Variants in ATRNL1 observed in about 807,000 individuals in gnomAD.
ATRNL1 encodes attractin-like protein 1.
Under a neutral mutation model 182.7 loss-of-function variants are expected in ATRNL1, and 95 were observed. The ratio of observed to expected loss-of-function variants is 0.52; its 90% CI spans 0.44 to 0.62. The LOEUF is 0.62. Among genes scored for constraint, ATRNL1 ranks in the 20% least tolerant of loss-of-function variants. The pLI, the probability that ATRNL1 is intolerant of heterozygous loss-of-function variation, is 0.00. For synonymous variants in ATRNL1, 576 were observed against 568.3 expected (o/e 1.01, Z -0.19); for missense variants, 1,471 against 1,679.5 (o/e 0.88, Z 2.17).
chr10:115,308,623 A>G (rs1554926932), intron 17 of ATRNL1, among the ~76,000 whole-genome samples: 4 of 152,138 alleles, frequency 2.6e-5, no homozygotes, highest in African/African-American at 9.7e-5. Context: ...GAAAAGCCAA[A>G]AATAAATAAA....
At chr10:115,761,559 T>G (rs1214438016) in intron 27 of ATRNL1, among the ~76,000 whole-genome samples, 4 of 152,166 alleles carry the variant, frequency 2.6e-5, no homozygotes, top group African/African-American at 9.7e-5. Flanking sequence ...TTTATTACTG[T>G]GGGCTCACCT....
chr10:115,617,614 T>C (rs1351320974), intron 26 of ATRNL1, among the ~76,000 whole-genome samples: 1 of 152,172 alleles, frequency 6.6e-6, no homozygotes, highest in African/African-American at 2.4e-5. Flanking sequence ...TGCCTCAGCC[T>C]CCCAAGGTGC....
chr10:115,823,889 G>T (rs576189127), intron 27 of ATRNL1, among the ~76,000 whole-genome samples: 2 of 152,130 alleles, frequency 1.3e-5, no homozygotes, highest in Non-Finnish European at 2.9e-5. Context: ...TCCCCATCAA[G>T]TTGCCATTGA....
chr10:115,188,392 C>T (rs1213019721), intron 8 of ATRNL1, among the ~76,000 whole-genome samples: 3 of 152,064 alleles, frequency 2.0e-5, no homozygotes, highest in Non-Finnish European at 2.9e-5. Context: ...TTTAGGGAAT[C>T]TACAAATCTC....
chr10:115,365,188 C>T (rs557496607), intron 19 of ATRNL1, among the ~76,000 whole-genome samples: 2 of 152,330 alleles, frequency 1.3e-5, no homozygotes, highest in East Asian at 3.9e-4. Context: ...AGTATTGCCA[C>T]AATTTCAGCT....
At chr10:115,342,810 T>C (rs1855811379) in intron 19 of ATRNL1, among the ~76,000 whole-genome samples, 1 of 152,190 alleles carries the variant, frequency 6.6e-6, no homozygotes, top group Non-Finnish European at 1.5e-5. Context: ...CTTTTGTTTG[T>C]CTGGGAAAGT....
At chr10:115,153,272 G>C (rs538925622) in intron 5 of ATRNL1, among the ~76,000 whole-genome samples, 1 of 152,104 alleles carries the variant, frequency 6.6e-6, no homozygotes, top group Non-Finnish European at 1.5e-5. Context: ...CTATTGGTTG[G>C]AATAGTTTCA....
At chr10:115,598,193 C>G (rs1223330293) in intron 26 of ATRNL1, among the ~76,000 whole-genome samples, 2 of 150,884 alleles carry the variant, frequency 1.3e-5, no homozygotes, top group African/African-American at 4.9e-5. Flanking sequence ...CAGCAATATT[C>G]CTTTATTCAG....
At chr10:115,403,084 T>C (rs1844647296) in intron 20 of ATRNL1, among the ~76,000 whole-genome samples, 1 of 152,120 alleles carries the variant, frequency 6.6e-6, no homozygotes. Context: ...CAAGTCTCTT[T>C]TGTTTGTTTG....
At chr10:115,887,921 A>G (rs1555110185) in intron 28 of ATRNL1, among the ~76,000 whole-genome samples, 1 of 151,914 alleles carries the variant, frequency 6.6e-6, no homozygotes, top group African/African-American at 2.4e-5. Context: ...CCCTGCTTCC[A>G]TTCTTATCCC....
chr10:115,594,833 G>C (rs1592917954), intron 26 of ATRNL1, among the ~76,000 whole-genome samples: 1 of 152,132 alleles, frequency 6.6e-6, no homozygotes, highest in East Asian at 1.9e-4. Context: ...AAATTCTCTA[G>C]GTCTCTAAAG....
intron 28 of ATRNL1, chr10:115,909,567 C>G (rs1238473008): frequency 6.9e-6 from 1 of 143,950 alleles, no homozygotes; most frequent in Admixed American, 7.1e-5. Context: ...GAAGACAGGA[C>G]ATGACTTCAG....
At chr10:115,489,124 G>A (rs1332150876) in intron 24 of ATRNL1, among the ~76,000 whole-genome samples, 1 of 152,120 alleles carries the variant, frequency 6.6e-6, no homozygotes, top group Non-Finnish European at 1.5e-5. Context: ...TGCATTTGCT[G>A]AAGAGTATTT....
chr10:115,270,517 G>A (rs1851814954), intron 13 of ATRNL1, among the ~76,000 whole-genome samples: 2 of 150,842 alleles, frequency 1.3e-5, no homozygotes, highest in South Asian at 4.2e-4. Flanking sequence ...AGGATGAAAA[G>A]TCCCAGGATC....
At chr10:115,827,087 G>A (rs1474102536) in intron 27 of ATRNL1, among the ~76,000 whole-genome samples, 1 of 152,174 alleles carries the variant, frequency 6.6e-6, no homozygotes, top group Non-Finnish European at 1.5e-5. Context: ...AAAACTGGAT[G>A]GGAGTGAACA....
chr10:115,788,671 T>G (rs1949453150), intron 27 of ATRNL1, among the ~76,000 whole-genome samples: 2 of 152,322 alleles, frequency 1.3e-5, no homozygotes, highest in Non-Finnish European at 2.9e-5. Context: ...CCCACCAAAA[T>G]GGTACCAGTG....
intron 27 of ATRNL1, among the ~76,000 whole-genome samples, chr10:115,844,246 C>T (rs1407144855): frequency 6.6e-6 from 1 of 152,056 alleles, no homozygotes; most frequent in Non-Finnish European, 1.5e-5. Flanking sequence ...CTGTTAAGCC[C>T]TCACCTGCTG....
intron 26 of ATRNL1, among the ~76,000 whole-genome samples, chr10:115,695,214 A>T (rs1555049417): frequency 1.3e-5 from 2 of 152,128 alleles, no homozygotes. Flanking sequence ...TACCAAATTC[A>T]ATTTTGGCTA....
In ATRNL1 at chr10:115,426,735, G is replaced by A. The variant is rs192808008; in HGVS notation, c.3322+433G>A. ...TAGGTATATATTTAACTTTTGTTTT[G>A]TTTTCTGAGATGGAGTCTTGCTCTT... On this transcript the variant is annotated intron_variant, in intron 21 of 28. Transcript: ENST00000355044. Among the ~76,000 whole-genome samples the A allele has an allele frequency of 7.6e-3, 1,149 of 152,170 alleles. 9 individuals carry two copies. Among genetic ancestry groups the A allele is most frequent in the Non-Finnish European group, 0.011 (762 of 68,000 alleles).
Sources: gnomAD v4.1 joint callset for allele counts (sites outside exome capture counted in the v4.1 genomes callset) on GRCh38, gnomAD v4.1.1 for gene constraint, MANE v1.5 for transcripts, NCBI Gene and HGNC (gene_info 2026-07-23, HGNC 2026-07-21) for gene names.